The following SPATA6 variants were observed in gnomAD, a reference collection of about 807,000 sequenced individuals.
The protein encoded by SPATA6 is spermatogenesis-associated protein 6.
A neutral mutation model predicts 65.3 loss-of-function variants in SPATA6; 56 were observed. That is an observed-to-expected ratio of 0.86 (90% CI 0.69 to 1.07). The LOEUF (loss-of-function observed/expected upper bound fraction) is 1.07, where lower values mean the gene tolerates loss of function less well. Among genes scored for constraint, SPATA6 ranks in the 50% least tolerant of loss-of-function variants. SPATA6 has a pLI of 0.00. For missense variants in SPATA6, 590 were observed against 594.8 expected (o/e 0.99, Z 0.08); for synonymous variants, 199 against 213.2 (o/e 0.93, Z 0.58).
chr1:48,340,860 A>T (rs562777585), intron 11 of SPATA6, among the ~76,000 whole-genome samples: 55 of 152,284 alleles, frequency 3.6e-4, no homozygotes, highest in Middle Eastern at 3.4e-3. Flanking sequence ...AGTTGGTGTG[A>T]CTATAAAATT....
intron 1 of SPATA6, among the ~76,000 whole-genome samples, chr1:48,471,604 T>C (rs752823731): frequency 6.6e-6 from 1 of 152,066 alleles, no homozygotes; most frequent in African/African-American, 2.4e-5. Flanking sequence ...CTAAGAGAAC[T>C]GGAGCCCGAA....
At chr1:48,461,933 T>C (rs1657463555) in intron 1 of SPATA6, among the ~76,000 whole-genome samples, 1 of 152,162 alleles carries the variant, frequency 6.6e-6, no homozygotes, top group African/African-American at 2.4e-5. Context: ...AGCACAGACT[T>C]GGAACCAACC....
intron 4 of SPATA6, among the ~76,000 whole-genome samples, chr1:48,412,467 T>C (rs1398811930): frequency 6.6e-6 from 1 of 152,244 alleles, no homozygotes; most frequent in Non-Finnish European, 1.5e-5. Context: ...TAGTTTCCAT[T>C]TTCAATTATT....
At chr1:48,329,331 T>G (rs886502501) in intron 11 of SPATA6, among the ~76,000 whole-genome samples, 27 of 152,104 alleles carry the variant, frequency 1.8e-4, no homozygotes, top group African/African-American at 6.5e-4. Flanking sequence ...AGAAATGGCT[T>G]AAAATCAATA....
intron 11 of SPATA6, among the ~76,000 whole-genome samples, chr1:48,309,660 T>C (rs1645150689): frequency 6.6e-6 from 1 of 152,200 alleles, no homozygotes; most frequent in Non-Finnish European, 1.5e-5. Flanking sequence ...ACAGTTCCTA[T>C]TCATTGTTTT....
rs1569963918 is a variant in SPATA6, at chr1:48,298,503, T to C, written c.*210A>G. The C allele has an allele frequency of 9.1e-6, 4 of 440,440 alleles. No individual in the cohort carries two copies. The East Asian group carries it at 1.1e-4, about 12-fold the overall frequency. 27.3% of individuals were successfully genotyped at this position (440,440 alleles called of 1,614,324 possible). Reference sequence around the variant, plus strand: ...TGATTGTGTGACAGAGCTCTAATGTTTGTAACACAGCAGACTCTTCTGTAA... The same window carrying C: ...TGATTGTGTGACAGAGCTCTAATGTCTGTAACACAGCAGACTCTTCTGTAA... On this transcript the variant is annotated 3_prime_UTR_variant, in exon 13 of 13. Coordinates refer to ENST00000371847, the MANE Select transcript of SPATA6 (RefSeq NM_019073.4).
chr1:48,445,659 CAAAAAAAAAAAAAAA>C (rs10632587), intron 3 of SPATA6, among the ~76,000 whole-genome samples: 1 of 51,288 alleles, frequency 1.9e-5, no homozygotes. Context: ...GACTCTGTCT[CAAAAAAAAAAAAAAA>C]AAAAAAAAAA....
At chr1:48,267,173 G>C in the SPATA6 span, among the ~76,000 whole-genome samples, 2 of 151,930 alleles carry the variant, frequency 1.3e-5, no homozygotes, top group Non-Finnish European at 2.9e-5. Flanking sequence ...TCACTTCTTC[G>C]GTGCCCCTGC....
the SPATA6 span, among the ~76,000 whole-genome samples, chr1:48,280,930 C>A: frequency 6.6e-6 from 1 of 152,018 alleles, no homozygotes; most frequent in Non-Finnish European, 1.5e-5. Flanking sequence ...TGCAAAAATC[C>A]TCAATAAAAT....
intron 10 of SPATA6, among the ~76,000 whole-genome samples, chr1:48,358,187 TC>T (rs1646710572): frequency 6.6e-6 from 1 of 152,026 alleles, no homozygotes. Context: ...GACAAATTGA[TC>T]AATCCAGAAA....
chr1:48,435,591 G>T (rs1334776898), intron 3 of SPATA6, among the ~76,000 whole-genome samples: 1 of 147,634 alleles, frequency 6.8e-6, no homozygotes, highest in Non-Finnish European at 1.5e-5. Context: ...GCATCTAGCT[G>T]AAGGATTGTG....
chr1:48,364,300 C>A (rs1646922347), intron 9 of SPATA6, among the ~76,000 whole-genome samples: 1 of 152,134 alleles, frequency 6.6e-6, no homozygotes, highest in African/African-American at 2.4e-5. Flanking sequence ...GATTTATATT[C>A]CTTTGGGTAT....
chr1:48,328,651 C>T (rs1645832585), intron 11 of SPATA6, among the ~76,000 whole-genome samples: 1 of 152,042 alleles, frequency 6.6e-6, no homozygotes, highest in Admixed American at 6.5e-5. Flanking sequence ...AAAATATCTT[C>T]TCTGTGGGGT....
At chr1:48,434,568 T>C (rs932006525) in intron 3 of SPATA6, among the ~76,000 whole-genome samples, 6 of 150,706 alleles carry the variant, frequency 4.0e-5, no homozygotes, top group Admixed American at 1.3e-4. Context: ...GCCTCTCTGA[T>C]TATGACAAAT....
chr1:48,412,834 G>C (rs2147987247), intron 4 of SPATA6, among the ~76,000 whole-genome samples: 1 of 152,134 alleles, frequency 6.6e-6, no homozygotes, highest in African/African-American at 2.4e-5. Flanking sequence ...GGTCAGGCTA[G>C]TCTTGAACTC....
chr1:48,464,288 G>A (rs991081852), intron 1 of SPATA6, among the ~76,000 whole-genome samples: 1 of 152,002 alleles, frequency 6.6e-6, no homozygotes, highest in Admixed American at 6.6e-5. Flanking sequence ...AGAAATTCTA[G>A]CCATCAACAT....
intron 8 of SPATA6, among the ~76,000 whole-genome samples, chr1:48,387,089 C>G (rs983047092): frequency 6.6e-6 from 1 of 152,188 alleles, no homozygotes; most frequent in East Asian, 1.9e-4. Context: ...AAGAGCAAGT[C>G]ACGTCTTACA....
the SPATA6 span, among the ~76,000 whole-genome samples, chr1:48,267,814 C>T: frequency 3.4e-4 from 43 of 127,262 alleles, 1 homozygote; most frequent in South Asian, 9.6e-3. Context: ...GGCAGTGACA[C>T]GATCTCGGCT....
At chr1:48,292,778 G>A (rs1644776838), downstream of SPATA6, among the ~76,000 whole-genome samples, 1 of 152,248 alleles carries the variant, frequency 6.6e-6, no homozygotes, top group Non-Finnish European at 1.5e-5. Context: ...TTGTGTGCAT[G>A]CACATGCCCA....
Sources: gnomAD v4.1 joint callset for allele counts (sites outside exome capture counted in the v4.1 genomes callset) on GRCh38, gnomAD v4.1.1 for gene constraint, MANE v1.5 for transcripts, NCBI Gene and HGNC (gene_info 2026-07-23, HGNC 2026-07-21) for gene names.